MGAT5: variants seen among roughly 807,000 people sequenced by gnomAD.
MGAT5 encodes the protein alpha-1,6-mannosylglycoprotein 6-beta-N-acetylglucosaminyltransferase A.
MGAT5 carries 30 observed loss-of-function variants against 94.3 expected under a neutral mutation model. The observed-to-expected ratio is 0.32, with a 90% CI of 0.24 to 0.43. The LOEUF (loss-of-function observed/expected upper bound fraction) is 0.43. Among genes scored for constraint, MGAT5 ranks in the 20% least tolerant of loss-of-function variants. The probability of loss-of-function intolerance (pLI) is 1.00; values close to 1 mark genes in which losing one functional copy is unlikely to be tolerated. For synonymous variants in MGAT5, 310 were observed against 322.9 expected (o/e 0.96, Z 0.43); for missense variants, 691 against 905.5 (o/e 0.76, Z 3.04).
At chr2:134,370,274 G>A (rs1218071822) in intron 10 of MGAT5, among the ~76,000 whole-genome samples, 1 of 152,208 alleles carries the variant, frequency 6.6e-6, no homozygotes, top group African/African-American at 2.4e-5. Flanking sequence ...ATTTTTGTAA[G>A]TAGATTAAAC....
intron 1 of MGAT5, among the ~76,000 whole-genome samples, chr2:134,255,741 G>T (rs978549909): frequency 6.6e-6 from 1 of 152,118 alleles, no homozygotes; most frequent in Non-Finnish European, 1.5e-5. Flanking sequence ...GTTAGGTGAG[G>T]TGGAGAAAGT....
intron 1 of MGAT5, among the ~76,000 whole-genome samples, chr2:134,158,724 C>G (rs939128462): frequency 1.3e-5 from 2 of 152,218 alleles, no homozygotes; most frequent in South Asian, 2.1e-4. Context: ...CTGTGCCTCC[C>G]CTGCTACAGC....
chr2:134,449,388 G>C lies in MGAT5; in HGVS notation c.*541G>C, dbSNP rs1444088885. 1 of 157,170 alleles carries C rather than the reference G, an allele frequency of 6.4e-6. No individual in the cohort carries two copies. The highest frequency in any genetic ancestry group is 2.4e-5 in the African/African-American group (1 of 41,464). 9.7% of individuals were successfully genotyped at this position (157,170 alleles called of 1,614,324 possible). On this transcript the variant is annotated 3_prime_UTR_variant, in exon 16 of 16. Transcript: ENST00000281923. ...CAGGAGAGAGACCGTGTGCCGTGGGGCTGGTGGCCTGCTCAGGGACAGCCA... is the reference window on the plus strand; with the variant it reads ...CAGGAGAGAGACCGTGTGCCGTGGGCCTGGTGGCCTGCTCAGGGACAGCCA...
At position 134,336,232 on chromosome 2, in the gene MGAT5, C is replaced by T. The variant is rs746032286; in HGVS notation, c.589C>T (p.Pro197Ser). The stretch of plus-strand genomic sequence containing the variant: ...TGCTTTTTAGGTTGAAAATTGGTGT[C>T]CTCATTTACCTTGGAGAGCAAAAAA... Reference protein sequence around the residue: ...IYLSEVENWCPHLPWRAKNPY... With the variant: ...IYLSEVENWCSHLPWRAKNPY... Residue 197 changes from proline to serine, a missense_variant, in exon 5 of 16, where the codon CCT becomes TCT. Pro to Ser is a moderately conservative substitution (Grantham distance 74). This residue lies in a region of MGAT5 where 307 missense variants were observed against 335.4 expected (regional missense o/e 0.92). Transcript: ENST00000281923. 2 of 1,612,104 alleles carry T rather than the reference C, an allele frequency of 1.2e-6. No homozygotes were observed. The highest frequency in any genetic ancestry group is 2.7e-5 in the African/African-American group (2 of 74,814).
chr2:134,352,896 A>G (rs550961583), intron 9 of MGAT5, among the ~76,000 whole-genome samples: 7 of 152,336 alleles, frequency 4.6e-5, no homozygotes, highest in Admixed American at 1.3e-4. Context: ...ATCCTGTCAT[A>G]TGCTACAACA....
chr2:134,131,187 C>T (rs540069518), intron 1 of MGAT5, among the ~76,000 whole-genome samples: 53 of 152,330 alleles, frequency 3.5e-4, no homozygotes, highest in African/African-American at 1.2e-3. Context: ...GAAGAGACTC[C>T]GAACATGTCC....
chr2:134,355,867 T>C (rs1679700466), intron 9 of MGAT5, among the ~76,000 whole-genome samples: 1 of 152,190 alleles, frequency 6.6e-6, no homozygotes, highest in South Asian at 2.1e-4. Context: ...AAAGTAGCAA[T>C]AGCAGGCATT....
chr2:134,372,908 G>C (rs1680908270), intron 10 of MGAT5, among the ~76,000 whole-genome samples: 1 of 152,212 alleles, frequency 6.6e-6, no homozygotes, highest in Non-Finnish European at 1.5e-5. Flanking sequence ...GAACGCCAGG[G>C]CTGGCTTGGG....
chr2:134,176,988 G>T (rs1312699027), intron 1 of MGAT5, among the ~76,000 whole-genome samples: 1 of 152,176 alleles, frequency 6.6e-6, no homozygotes, highest in Non-Finnish European at 1.5e-5. Context: ...GCTTGTTTCT[G>T]AGCCTTTGCC....
At chr2:134,203,320 G>A (rs916874169) in intron 1 of MGAT5, among the ~76,000 whole-genome samples, 2 of 152,066 alleles carry the variant, frequency 1.3e-5, no homozygotes, top group East Asian at 3.9e-4. Flanking sequence ...TGTGAGGTAG[G>A]GCTTTGGAAT....
chr2:134,229,807 C>T (rs867219052), intron 1 of MGAT5, among the ~76,000 whole-genome samples: 4 of 152,092 alleles, frequency 2.6e-5, no homozygotes, highest in Admixed American at 6.5e-5. Flanking sequence ...GTAAATAACT[C>T]CTACAACTCA....
chr2:134,297,397 A>T (rs1685741773), intron 2 of MGAT5, among the ~76,000 whole-genome samples: 1 of 152,178 alleles, frequency 6.6e-6, no homozygotes, highest in Non-Finnish European at 1.5e-5. Context: ...CTTGCAATTC[A>T]TTCTGCCAGT....
intron 1 of MGAT5, among the ~76,000 whole-genome samples, chr2:134,215,647 C>A (rs1680456128): frequency 6.6e-6 from 1 of 152,204 alleles, no homozygotes; most frequent in Non-Finnish European, 1.5e-5. Context: ...ATGACCCAAA[C>A]ACATTGCAAC....
At position 134,451,155 on chromosome 2, in the gene MGAT5, C is replaced by T. The variant is rs1274512986; in HGVS notation, c.*2308C>T. The T allele has an allele frequency of 6.6e-6, 1 of 152,190 alleles. No individual in the cohort carries two copies. The highest frequency in any genetic ancestry group is 1.5e-5 in the Non-Finnish European group (1 of 68,040). The allele number at this position is 152,190 out of a possible 1,614,324, so 9.4% of individuals were successfully genotyped here. On this transcript the variant is annotated 3_prime_UTR_variant, in exon 16 of 16. Coordinates refer to ENST00000281923, the MANE Select transcript of MGAT5 (RefSeq NM_002410.5). Reference sequence around the variant, plus strand: ...AGCTGAAAGGTAACCTTAGCCCTGCCTTGTGTTCCAAAAGCTGCAAGGATC... The same window carrying T: ...AGCTGAAAGGTAACCTTAGCCCTGCTTTGTGTTCCAAAAGCTGCAAGGATC...
intron 1 of MGAT5, among the ~76,000 whole-genome samples, chr2:134,190,560 G>A (rs368210988): frequency 2.6e-5 from 4 of 152,174 alleles, no homozygotes; most frequent in African/African-American, 9.7e-5. Flanking sequence ...CAAAGGACTT[G>A]ATGAGGATTT....
In MGAT5 at chr2:134,197,676, G is replaced by A. The variant is rs986170302; in HGVS notation, c.-142-56586G>A. Among the ~76,000 whole-genome samples, 5 of 152,206 alleles carry A rather than the reference G, an allele frequency of 3.3e-5. No homozygotes were observed. In the South Asian group the frequency reaches 6.2e-4, roughly 19 times the overall value. On this transcript the variant is annotated intron_variant, in intron 1 of 16. Coordinates refer to the MGAT5 transcript ENST00000409645. Reference sequence around the variant, plus strand: ...GTATTAAGGAACATGTTCAGCTGCTGTAACAGAAACCTCAAACAATACTGA... The same window carrying A: ...GTATTAAGGAACATGTTCAGCTGCTATAACAGAAACCTCAAACAATACTGA...
intron 1 of MGAT5, among the ~76,000 whole-genome samples, chr2:134,187,562 C>T (rs1689108178): frequency 6.6e-6 from 1 of 152,216 alleles, no homozygotes; most frequent in Non-Finnish European, 1.5e-5. Flanking sequence ...TGAAGTTATA[C>T]ACACATGTGC....
intron 10 of MGAT5, among the ~76,000 whole-genome samples, chr2:134,388,828 C>T (rs1050673842): frequency 4.6e-5 from 7 of 151,142 alleles, no homozygotes; most frequent in African/African-American, 1.7e-4. Context: ...GTGGTGCAAT[C>T]TCAGCTCACT....
intron 1 of MGAT5, among the ~76,000 whole-genome samples, chr2:134,179,522 T>TGTTC (rs560057376): frequency 0.28 from 41,865 of 151,924 alleles, 7,981 homozygotes; most frequent in African/African-American, 0.53. Flanking sequence ...TGCAGAGACT[T>TGTTC]TATAGAACAA....
Sources: allele counts gnomAD v4.1 joint callset (sites outside exome capture counted in the v4.1 genomes callset), GRCh38; gene constraint gnomAD v4.1.1; regional missense constraint gnomAD v4.1.1; transcripts MANE v1.5; gene names NCBI Gene and HGNC (gene_info 2026-07-23, HGNC 2026-07-21).